TAFA5: variants seen among roughly 807,000 people sequenced by gnomAD.
TAFA5 encodes chemokine-like protein TAFA-5.
TAFA5 carries 6 observed loss-of-function variants against 15.3 expected under a neutral mutation model. That is an observed-to-expected ratio of 0.39 (90% CI 0.21 to 0.77). TAFA5 has a LOEUF of 0.77. Among genes scored for constraint, TAFA5 ranks in the 30% least tolerant of loss-of-function variants. The pLI, the probability that TAFA5 is intolerant of heterozygous loss-of-function variation, is 0.41. For missense variants in TAFA5, 161 were observed against 193.1 expected (o/e 0.83, Z 0.98); for synonymous variants, 103 against 80.7 (o/e 1.28, Z -1.48).
At chr22:48,658,775 C>T (rs952515363) in intron 2 of TAFA5, among the ~76,000 whole-genome samples, 2 of 152,134 alleles carry the variant, frequency 1.3e-5, no homozygotes, top group Non-Finnish European at 1.5e-5. Context: ...CCTAGGGCGT[C>T]GACGTGTAGA....
At chr22:48,639,908 C>T (rs1332937441) in intron 1 of TAFA5, among the ~76,000 whole-genome samples, 12 of 152,142 alleles carry the variant, frequency 7.9e-5, no homozygotes, top group African/African-American at 2.9e-4. Flanking sequence ...TTGCTCTCCC[C>T]CTCATCCACA....
intron 1 of TAFA5, among the ~76,000 whole-genome samples, chr22:48,615,309 C>A (rs1337271079): frequency 6.6e-6 from 1 of 152,210 alleles, no homozygotes; most frequent in Non-Finnish European, 1.5e-5. Context: ...ATGGTGGCAG[C>A]CGGCGGCTCG....
chr22:48,652,934 G>C (rs2147207269), intron 2 of TAFA5, among the ~76,000 whole-genome samples: 1 of 152,312 alleles, frequency 6.6e-6, no homozygotes. Context: ...CAGCCAGGTT[G>C]TGGGTCCTGG....
At chr22:48,648,777 G>A (rs975316374) in intron 2 of TAFA5, among the ~76,000 whole-genome samples, 6 of 152,230 alleles carry the variant, frequency 3.9e-5, no homozygotes, top group African/African-American at 1.2e-4. Flanking sequence ...GCAGTGAGCC[G>A]AGATCACGCC....
chr22:48,496,123 G>A (rs892577070), intron 1 of TAFA5, among the ~76,000 whole-genome samples: 1 of 152,228 alleles, frequency 6.6e-6, no homozygotes, highest in African/African-American at 2.4e-5. Context: ...AGGATCCCCT[G>A]CTTCCTGAGG....
intron 2 of TAFA5, among the ~76,000 whole-genome samples, chr22:48,697,836 TAGTG>T (rs1206194435): frequency 1.3e-5 from 2 of 151,334 alleles, no homozygotes; most frequent in East Asian, 2.0e-4. Flanking sequence ...ATGTTGGTGA[TAGTG>T]AGGATACCGG....
chr22:48,622,217 T>G (rs1365800239), intron 1 of TAFA5, among the ~76,000 whole-genome samples: 1 of 152,126 alleles, frequency 6.6e-6, no homozygotes, highest in Non-Finnish European at 1.5e-5. Flanking sequence ...AAAGTTACCC[T>G]GATTGCTCTA....
intron 1 of TAFA5, among the ~76,000 whole-genome samples, chr22:48,606,739 C>T (rs28372068): frequency 0.1 from 15,711 of 152,174 alleles, 866 homozygotes; most frequent in East Asian, 0.13. Flanking sequence ...CCGCGTGTTT[C>T]CCCTGCCTGG....
At chr22:48,734,766 C>G (rs976119452) in intron 3 of TAFA5, among the ~76,000 whole-genome samples, 5 of 152,218 alleles carry the variant, frequency 3.3e-5, no homozygotes, top group Non-Finnish European at 4.4e-5. Context: ...AGAGGTGATA[C>G]GGATGTCGTG....
chr22:48,646,518 T>C (rs1926868070), intron 1 of TAFA5, 79 bp from the exon 2 acceptor site: 1 of 1,540,254 alleles, frequency 6.5e-7, no homozygotes, highest in Non-Finnish European at 8.8e-7. Flanking sequence ...GGCCCCTCTG[T>C]GGGTGGGCTC....
intron 3 of TAFA5, among the ~76,000 whole-genome samples, chr22:48,717,142 A>G (rs539750625): frequency 6.6e-6 from 1 of 152,362 alleles, no homozygotes; most frequent in East Asian, 1.9e-4. Context: ...CGGGAGATGA[A>G]AAACATCCCC....
intron 1 of TAFA5, among the ~76,000 whole-genome samples, chr22:48,520,338 C>T (rs1380843716): frequency 6.6e-6 from 1 of 152,272 alleles, no homozygotes; most frequent in African/African-American, 2.4e-5. Flanking sequence ...GACCCCGGCC[C>T]AGGTGACACT....
intron 1 of TAFA5, among the ~76,000 whole-genome samples, chr22:48,576,116 C>T (rs1490186716): frequency 1.3e-4 from 18 of 136,708 alleles, no homozygotes; most frequent in Non-Finnish European, 2.4e-4. Context: ...GGTGCGGCTC[C>T]GGGGGCGGCG....
chr22:48,683,497 G>A (rs1928259054), intron 2 of TAFA5, among the ~76,000 whole-genome samples: 1 of 152,170 alleles, frequency 6.6e-6, no homozygotes, highest in African/African-American at 2.4e-5. Flanking sequence ...GGCTCTCTTG[G>A]CCAAAGTGAG....
intron 3 of TAFA5, among the ~76,000 whole-genome samples, chr22:48,729,416 T>G (rs988779402): frequency 6.8e-6 from 1 of 146,674 alleles, no homozygotes; most frequent in African/African-American, 2.5e-5. Context: ...ATTTATATTA[T>G]AAATTCGTAT....
Position 48,566,566 on chromosome 22 carries a change from G to C in TAFA5, c.112+76862G>C, listed in dbSNP as rs2147135507. Among the ~76,000 whole-genome samples the C allele has an allele frequency of 6.6e-6, 1 of 152,314 alleles. No homozygotes were observed. The highest frequency in any genetic ancestry group is 6.5e-5 in the Admixed American group (1 of 15,302). The stretch of plus-strand genomic sequence containing the variant: ...TATGAGGATGTTTGGCCTCTTTAGG[G>C]AGGTAGCAGGGGCTGCCCGGGTACA... On this transcript the variant is annotated intron_variant, in intron 1 of 3. Coordinates refer to ENST00000402357, the MANE Select transcript of TAFA5 (RefSeq NM_001082967.3). The surrounding 1 kb of genome is among the most constrained non-coding windows in gnomAD (Gnocchi z 4.5).
At chr22:48,569,124 C>G (rs778785056) in intron 1 of TAFA5, among the ~76,000 whole-genome samples, 5 of 152,232 alleles carry the variant, frequency 3.3e-5, no homozygotes, top group Non-Finnish European at 5.9e-5. Context: ...TCTCTGGTGC[C>G]TGGTTTTGGC....
At chr22:48,724,699 T>C (rs1363760322) in intron 3 of TAFA5, among the ~76,000 whole-genome samples, 1 of 152,238 alleles carries the variant, frequency 6.6e-6, no homozygotes, top group Non-Finnish European at 1.5e-5. Context: ...GCCCCAGCTA[T>C]GACAGTGACC....
intron 1 of TAFA5, among the ~76,000 whole-genome samples, chr22:48,591,432 A>G (rs1924563838): frequency 6.6e-6 from 1 of 152,188 alleles, no homozygotes; most frequent in Non-Finnish European, 1.5e-5. Context: ...TCTGACCCCC[A>G]GGGCTTGCGA....
Sources: gnomAD v4.1 joint callset for allele counts (sites outside exome capture counted in the v4.1 genomes callset) on GRCh38, gnomAD v4.1.1 for gene constraint, Gnocchi (gnomAD v3.1) non-coding constraint, MANE v1.5 for transcripts, NCBI Gene and HGNC (gene_info 2026-07-23, HGNC 2026-07-21) for gene names.